DYNAP: variants seen among roughly 807,000 people sequenced by gnomAD.
The protein encoded by DYNAP is dynactin associated protein, also known as dynactin-associated protein.
Under a neutral mutation model 8.5 loss-of-function variants are expected in DYNAP, and 7 were observed. That is an observed-to-expected ratio of 0.82 (90% CI 0.47 to 1.54). The LOEUF (loss-of-function observed/expected upper bound fraction) is 1.54. Among genes scored for constraint, DYNAP ranks in the 40% most tolerant of loss-of-function variants. DYNAP has a pLI of 0.01. For synonymous variants in DYNAP, 77 were observed against 77.9 expected (o/e 0.99, Z 0.06); for missense variants, 256 against 224.3 (o/e 1.14, Z -0.90).
At position 54,595,006 on chromosome 18, in the gene DYNAP, T is replaced by G; in HGVS notation, c.125T>G (p.Ile42Arg). ...SICWCLPSNDITSDVSPNLTG... is the reference protein window; with the variant it reads ...SICWCLPSNDRTSDVSPNLTG... ...TGCTGGTGTCTACCTTCAAATGATATAACCAGTGATGTCTCTCCCAACTTA... is the reference window on the plus strand; with the variant it reads ...TGCTGGTGTCTACCTTCAAATGATAGAACCAGTGATGTCTCTCCCAACTTA... Residue 42 changes from isoleucine to arginine, a missense_variant, in exon 2 of 3, where the codon ATA becomes AGA. Physicochemically the swap from Ile to Arg is moderately conservative, Grantham distance 97. Coordinates refer to ENST00000648945, the MANE Select transcript of DYNAP (RefSeq NM_173629.3). 6.2e-7 allele frequency: 1 copy of G among 1,612,828 alleles called. No individual in the cohort carries two copies.
At chr18:54,596,022 A>C (rs1911273746) in intron 2 of DYNAP, among the ~76,000 whole-genome samples, 1 of 152,014 alleles carries the variant, frequency 6.6e-6, no homozygotes, top group East Asian at 1.9e-4. Flanking sequence ...GAATTGAAGG[A>C]GGTCTTCAAT....
upstream of DYNAP, among the ~76,000 whole-genome samples, chr18:54,585,610 C>G (rs1910848702): frequency 6.6e-6 from 1 of 152,194 alleles, no homozygotes; most frequent in Admixed American, 6.5e-5. Flanking sequence ...CTTCATCCCT[C>G]AAAGATCACT....
Position 54,591,349 on chromosome 18 carries a change from C to T in DYNAP, c.57+10C>T. 2.5e-6 allele frequency: 4 copies of T among 1,597,798 alleles called. No individual in the cohort carries two copies. Among genetic ancestry groups the T allele is most frequent in the Non-Finnish European group, 2.6e-6 (3 of 1,172,202 alleles). On this transcript the variant is annotated intron_variant, in intron 1 of 2. Transcript: ENST00000648945. ...CTCTGAAAACCAGCCGGTGAGTGTCCTTGCTCCATTTTGATAGTTTGCCTA... is the reference window on the plus strand; with the variant it reads ...CTCTGAAAACCAGCCGGTGAGTGTCTTTGCTCCATTTTGATAGTTTGCCTA...
At chr18:54,582,666 A>G in the DYNAP span, among the ~76,000 whole-genome samples, 1 of 152,178 alleles carries the variant, frequency 6.6e-6, no homozygotes, top group African/African-American at 2.4e-5. Flanking sequence ...CTGTTCTTCA[A>G]AAATGCTGTT....
In DYNAP at chr18:54,595,173, C is replaced by G. The variant is rs1038354746; in HGVS notation, c.222+70C>G. On this transcript the variant is annotated intron_variant, in intron 2 of 2. Transcript: ENST00000648945. ...TATATGGGCATGTACTTTGCCTATTCTTTCCCAAGAAATGTACTTAATTAC... is the reference window on the plus strand; with the variant it reads ...TATATGGGCATGTACTTTGCCTATTGTTTCCCAAGAAATGTACTTAATTAC... The G allele has an allele frequency of 3.5e-6, 5 of 1,427,458 alleles. No homozygotes were observed. In the African/African-American group the frequency reaches 4.4e-5, roughly 12 times the overall value. The allele number at this position is 1,427,458 out of a possible 1,614,324, so 88.4% of individuals were successfully genotyped here.
At chr18:54,591,809 T>C (rs1911088113) in intron 1 of DYNAP, among the ~76,000 whole-genome samples, 1 of 152,184 alleles carries the variant, frequency 6.6e-6, no homozygotes. Context: ...ACCTGCTCTG[T>C]GTCAAAATAT....
upstream of DYNAP, chr18:54,587,714 C>T (rs994192607): frequency 3.0e-5 from 12 of 393,554 alleles, no homozygotes; most frequent in Non-Finnish European, 5.4e-5. Context: ...ATTGTATATC[C>T]ATATTCTGAA....
At position 54,595,062 on chromosome 18, in the gene DYNAP, G is replaced by A. The variant is rs1452951318; in HGVS notation, c.181G>A (p.Ala61Thr). 4 of 1,612,468 alleles carry A rather than the reference G, an allele frequency of 2.5e-6. No homozygotes were observed. The Admixed American group carries it at 5.0e-5, about 20-fold the overall frequency. The change falls in exon 2 of 3, where the codon GCA (alanine) becomes ACA (threonine). Residue 61 changes from alanine (A) to threonine (T), a missense_variant. Physicochemically the swap from Ala to Thr is moderately conservative, Grantham distance 58. Coordinates refer to ENST00000648945, the MANE Select transcript of DYNAP (RefSeq NM_173629.3). ...TGVCVNPGIL[A>T]HSRCLQSESC... ...GGTCTGCGTGAACCCAGGAATCCTT[G>A]CACATTCAAGATGTCTACAGTCAGA...
chr18:54,595,193 A>G, intron 2 of DYNAP, 90 bp downstream of exon 2: 1 of 1,338,688 alleles, frequency 7.5e-7, no homozygotes, highest in East Asian at 2.6e-5. Context: ...AAATGTACTT[A>G]ATTACTTAAT....
rs1911093249 is a variant in DYNAP, at chr18:54,591,922, T to C, written c.57+583T>C. Reference sequence around the variant, plus strand: ...ATCTGTATCATATACAGATTTTATGTATCTATTTATATCCAACCAAATAAT... The same window carrying C: ...ATCTGTATCATATACAGATTTTATGCATCTATTTATATCCAACCAAATAAT... On this transcript the variant is annotated intron_variant, in intron 1 of 2. Transcript: ENST00000648945. Among the ~76,000 whole-genome samples, 3 of 152,204 alleles carry C rather than the reference T, an allele frequency of 2.0e-5. 1 individual carries two copies. Among genetic ancestry groups the C allele is most frequent in the African/African-American group, 7.2e-5 (3 of 41,456 alleles).
rs1052413661 is a variant in DYNAP, at chr18:54,597,975, G to C, written c.385G>C (p.Gly129Arg). 2.5e-6 allele frequency: 4 copies of C among 1,613,468 alleles called. No homozygotes were observed. Among genetic ancestry groups the C allele is most frequent in the Non-Finnish European group, 3.4e-6 (4 of 1,179,742 alleles). The change falls in exon 3 of 3, where the codon GGA becomes CGA. Residue 129 changes from glycine (G) to arginine (R), a missense_variant. Physicochemically the swap from Gly to Arg is moderately radical, Grantham distance 125 (BLOSUM62 -2). Coordinates refer to ENST00000648945, the MANE Select transcript of DYNAP (RefSeq NM_173629.3). The stretch of plus-strand genomic sequence containing the variant: ...TGTTATCCAGCTATCCACAAATGAT[G>C]GAGAGTGTGTGACTGTCAAACCTGG... The part of the protein sequence containing the change: ...SIVIQLSTND[G>R]ECVTVKPGTP...
At chr18:54,593,124 T>C (rs1305947731) in intron 1 of DYNAP, among the ~76,000 whole-genome samples, 2 of 152,182 alleles carry the variant, frequency 1.3e-5, no homozygotes. Flanking sequence ...TTCTTTTATA[T>C]TATATTTACA....
chr18:54,579,017 T>A, the DYNAP span, among the ~76,000 whole-genome samples: 1 of 152,126 alleles, frequency 6.6e-6, no homozygotes, highest in Non-Finnish European at 1.5e-5. Flanking sequence ...GCCAGGTTGG[T>A]CTCAATCTCC....
chr18:54,591,903 A>G (rs1911092526), intron 1 of DYNAP, among the ~76,000 whole-genome samples: 1 of 152,198 alleles, frequency 6.6e-6, no homozygotes, highest in African/African-American at 2.4e-5. Flanking sequence ...ATATATCTGT[A>G]TCATATACAG....
At chr18:54,575,706 T>G in the DYNAP span, among the ~76,000 whole-genome samples, 1 of 152,114 alleles carries the variant, frequency 6.6e-6, no homozygotes, top group Non-Finnish European at 1.5e-5. Flanking sequence ...TCCAAAGCAC[T>G]GGGATTATAG....
upstream of DYNAP, among the ~76,000 whole-genome samples, chr18:54,588,494 C>T (rs919337715): frequency 3.9e-5 from 6 of 152,056 alleles, no homozygotes; most frequent in African/African-American, 7.2e-5. Flanking sequence ...TGTGAGCCAC[C>T]GCGCCCGGCC....
At chr18:54,584,271 T>A (rs1292078064), upstream of DYNAP, among the ~76,000 whole-genome samples, 4 of 148,246 alleles carry the variant, frequency 2.7e-5, no homozygotes, top group Non-Finnish European at 4.5e-5. Context: ...ATTTAATATT[T>A]AATATTTATA....
chr18:54,595,186 T>G (rs1280794575), intron 2 of DYNAP, 83 bp downstream of exon 2: 1 of 1,375,562 alleles, frequency 7.3e-7, no homozygotes, highest in Admixed American at 2.7e-5. Context: ...TCCCAAGAAA[T>G]GTACTTAATT....
chr18:54,577,012 C>T, the DYNAP span, among the ~76,000 whole-genome samples: 2 of 152,072 alleles, frequency 1.3e-5, no homozygotes, highest in Non-Finnish European at 2.9e-5. Context: ...TGTAGAGTAT[C>T]TTTGGATGTA....
Sources: gnomAD v4.1 joint callset for allele counts (sites outside exome capture counted in the v4.1 genomes callset) on GRCh38, gnomAD v4.1.1 for gene constraint, MANE v1.5 for transcripts, NCBI Gene and HGNC (gene_info 2026-07-23, HGNC 2026-07-21) for gene names.